FXYD4: variants seen among roughly 807,000 people sequenced by gnomAD.
The protein encoded by FXYD4 is FXYD domain-containing ion transport regulator 4.
A neutral mutation model predicts 18.3 loss-of-function variants in FXYD4; 14 were observed. The observed-to-expected ratio is 0.77, with a 90% confidence interval of 0.51 to 1.20. The LOEUF is 1.20. Ranked by LOEUF, FXYD4 falls within the 50% of genes most tolerant of loss-of-function variation. The probability of loss-of-function intolerance (pLI) is 0.00; values close to 1 mark genes in which losing one functional copy is unlikely to be tolerated. For missense variants in FXYD4, 99 were observed against 106.1 expected (o/e 0.93, Z 0.29); for synonymous variants, 40 against 40.5 (o/e 0.99, Z 0.04).
intron 4 of FXYD4, 47 bp downstream of exon 4, chr10:43,374,549 C>A: frequency 6.2e-7 from 1 of 1,612,398 alleles, no homozygotes; most frequent in Non-Finnish European, 8.5e-7. Flanking sequence ...CACATCTCCC[C>A]TCTGACACCC....
intron 7 of FXYD4, 39 bp downstream of exon 7, chr10:43,375,773 G>C (rs1837863914): frequency 6.3e-7 from 1 of 1,597,842 alleles, no homozygotes; most frequent in Admixed American, 1.7e-5. Context: ...CTTCGGGGCA[G>C]AACTACGGGG....
chr10:43,375,989 T>C (rs1837866630), intron 7 of FXYD4, 43 bp from the exon 8 acceptor site: 1 of 1,608,572 alleles, frequency 6.2e-7, no homozygotes, highest in Admixed American at 1.7e-5. Context: ...GAGAAGGTCC[T>C]CCAGGCTAAC....
At chr10:43,374,578 C>T in intron 4 of FXYD4, 35 bp from the exon 5 acceptor site, 1 of 1,613,240 alleles carries the variant, frequency 6.2e-7, no homozygotes, top group Non-Finnish European at 8.5e-7. Flanking sequence ...TCTCCTGGTT[C>T]TGGTTCTGAA....
chr10:43,374,569 C>A, intron 4 of FXYD4, 44 bp from the exon 5 acceptor site: 1 of 1,612,348 alleles, frequency 6.2e-7, no homozygotes, highest in Non-Finnish European at 8.5e-7. Context: ...CACATCCTGT[C>A]TCCTGGTTCT....
intron 1 of FXYD4, 124 bp from the exon 2 acceptor site, chr10:43,372,603 A>G (rs1588980610): frequency 6.6e-6 from 1 of 152,190 alleles, no homozygotes; most frequent in East Asian, 1.9e-4. Flanking sequence ...TATTTATTGT[A>G]ACAGGTTTTT....
At position 43,375,718 on chromosome 10, in the gene FXYD4, A is replaced by C; in HGVS notation, c.196A>C (p.Ser66Arg). The change falls in exon 7 of 9, where the codon AGC (serine) becomes CGC (arginine). Residue 66 changes from serine to arginine, a missense_variant. Coordinates refer to ENST00000476166, the MANE Select transcript of FXYD4 (RefSeq NM_173160.3). ...AGGTGGCAAATGCAAATGCAAGAGCAGCCAGAAGCAGCACAGGTGAGCCTG... is the reference window on the plus strand; with the variant it reads ...AGGTGGCAAATGCAAATGCAAGAGCCGCCAGAAGCAGCACAGGTGAGCCTG... ...VLSGKCKCKS[S>R]QKQHSPVPEK... 6.2e-7 allele frequency: 1 copy of C among 1,614,190 alleles called. No homozygotes were observed. Among genetic ancestry groups the C allele is most frequent in the Non-Finnish European group, 8.5e-7 (1 of 1,180,004 alleles).
Position 43,374,670 on chromosome 10 carries a change from C to T in FXYD4, c.97+31C>T, listed in dbSNP as rs533592037. 1.1e-5 allele frequency: 18 copies of T among 1,573,990 alleles called. No homozygotes were observed. In the East Asian group the frequency reaches 1.4e-4, roughly 12 times the overall value. ...AGCTGATATTCCCACCCCCACCCTACCCTTGCCTATCCTGGACCTCTTTGC... is the reference window on the plus strand; with the variant it reads ...AGCTGATATTCCCACCCCCACCCTATCCTTGCCTATCCTGGACCTCTTTGC... On this transcript the variant is annotated intron_variant, in intron 5 of 8. Transcript: ENST00000476166.
Position 43,374,634 on chromosome 10 carries a change from A to G in FXYD4, c.92A>G (p.Tyr31Cys), listed in dbSNP as rs202020951. The G allele has an allele frequency of 1.2e-5, 20 of 1,612,820 alleles. No individual in the cohort carries two copies. The highest frequency in any genetic ancestry group is 1.7e-5 in the Admixed American group (1 of 59,998). ...DPFANKDDPF[Y>C]YDWKNLQLSG... ...CTAGCCAATAAAGACGATCCCTTCT[A>G]CTATGGTAAGAGCTGATATTCCCAC... The change falls in exon 5 of 9, where the codon TAC becomes TGC. Residue 31 changes from tyrosine (Y) to cysteine (C), a missense_variant. Transcript: ENST00000476166.
In FXYD4 at chr10:43,373,571, C is replaced by T; in HGVS notation, c.-176C>T. On this transcript the variant is annotated 5_prime_UTR_variant, in exon 3 of 9. Transcript: ENST00000476166. Reference sequence around the variant, plus strand: ...AGTAGTTACTTTCCCAAGATCTCCCCACAAGCAAGTGTATCCTTGGGGTTT... The same window carrying T: ...AGTAGTTACTTTCCCAAGATCTCCCTACAAGCAAGTGTATCCTTGGGGTTT... 1.6e-6 allele frequency: 1 copy of T among 627,122 alleles called. No individual in the cohort carries two copies. Among genetic ancestry groups the T allele is most frequent in the East Asian group, 2.6e-5 (1 of 37,832 alleles). 38.8% of individuals were successfully genotyped at this position (627,122 alleles called of 1,614,324 possible).
chr10:43,374,573 T>C, intron 4 of FXYD4, 40 bp from the exon 5 acceptor site: 1 of 1,612,876 alleles, frequency 6.2e-7, no homozygotes, highest in Non-Finnish European at 8.5e-7. Context: ...TCCTGTCTCC[T>C]GGTTCTGGTT....
Position 43,374,366 on chromosome 10 carries a change from C to A in FXYD4, c.38-104C>A. On this transcript the variant is annotated intron_variant, in intron 3 of 8. Transcript: ENST00000476166. ...AGGGCGTGAGGAAGGGAACTGGTGG[C>A]TCCAGGGTCACCCCACAACCTCCGG... The A allele has an allele frequency of 2.7e-6, 3 of 1,112,012 alleles. No homozygotes were observed. In the South Asian group the frequency reaches 3.7e-5, roughly 14 times the overall value. The allele number at this position is 1,112,012 out of a possible 1,614,324, so 68.9% of individuals were successfully genotyped here. A position where few individuals can be genotyped will look rare whatever the true frequency, so the allele number is the denominator to read the frequency against.
intron 5 of FXYD4, 75 bp downstream of exon 5, chr10:43,374,714 G>GTAGTGTGGACC: frequency 3.4e-6 from 4 of 1,183,104 alleles, no homozygotes; most frequent in Non-Finnish European, 5.1e-6. Flanking sequence ...TTGGTGAGGG[G>GTAGTGTGGACC]TAGTGTGGAC....
intron 2 of FXYD4, among the ~76,000 whole-genome samples, chr10:43,373,034 A>G (rs1249883700): frequency 2.0e-5 from 3 of 152,122 alleles, no homozygotes; most frequent in African/African-American, 7.2e-5. Context: ...CTCTGAGAGC[A>G]GAATCTGGGT....
At chr10:43,371,900 A>T (rs751889121) in intron 1 of FXYD4, among the ~76,000 whole-genome samples, 1 of 151,906 alleles carries the variant, frequency 6.6e-6, no homozygotes, top group Admixed American at 6.6e-5. Flanking sequence ...TAAAGAATAT[A>T]TGAGCTGGTG....
At chr10:43,375,905 G>A in intron 7 of FXYD4, 127 bp from the exon 8 acceptor site, 1 of 1,234,572 alleles carries the variant, frequency 8.1e-7, no homozygotes, top group Non-Finnish European at 1.2e-6. Flanking sequence ...CCTCGGTATT[G>A]TGGGAAGTGA....
chr10:43,375,021 CTTTTTTT>C (rs964746350), intron 5 of FXYD4, among the ~76,000 whole-genome samples: 1 of 93,564 alleles, frequency 1.1e-5, no homozygotes, highest in Non-Finnish European at 2.0e-5. Context: ...ATGTCCACTT[CTTTTTTT>C]TTTTTTTTTT....
In FXYD4 at chr10:43,375,498, G is replaced by T. The variant is rs1837858613; in HGVS notation, c.98-1G>T. ...AAGCTCACTCTCTGTACCCACCCCA[G>T]ACTGGAAAAACCTGCAGCTGAGCGG... On this transcript the variant is annotated splice_acceptor_variant, in intron 5 of 8. Coordinates refer to ENST00000476166, the MANE Select transcript of FXYD4 (RefSeq NM_173160.3). LOFTEE classifies it high-confidence loss of function. 1.2e-6 allele frequency: 2 copies of T among 1,613,542 alleles called. No homozygotes were observed. Among genetic ancestry groups the T allele is most frequent in the Middle Eastern group, 3.3e-4 (2 of 6,056 alleles).
intron 5 of FXYD4, 68 bp from the exon 6 acceptor site, chr10:43,375,431 G>C (rs548369294): frequency 8.3e-7 from 1 of 1,205,866 alleles, no homozygotes; most frequent in Admixed American, 1.7e-5. Context: ...CAGGGGCTCA[G>C]GAGTGTCTTT....
chr10:43,375,179 G>A (rs917886444), intron 5 of FXYD4, among the ~76,000 whole-genome samples: 5 of 151,566 alleles, frequency 3.3e-5, no homozygotes, highest in Middle Eastern at 3.4e-3. Flanking sequence ...GGCGCCTGCC[G>A]CCACGCCTAG....
Sources: allele counts gnomAD v4.1 joint callset (sites outside exome capture counted in the v4.1 genomes callset), GRCh38; gene constraint gnomAD v4.1.1; transcripts MANE v1.5; gene names NCBI Gene and HGNC (gene_info 2026-07-23, HGNC 2026-07-21).